WDPCP: variants seen among roughly 807,000 people sequenced by gnomAD.
WDPCP encodes the protein WD repeat containing planar cell polarity effector, also known as WD repeat-containing and planar cell polarity effector protein fritz homolog.
WDPCP carries 71 observed loss-of-function variants against 93.1 expected under a neutral mutation model. The observed-to-expected ratio is 0.76, with a 90% CI of 0.63 to 0.93. The LOEUF (loss-of-function observed/expected upper bound fraction) is 0.93. WDPCP is among the 40% of genes least tolerant of loss of function. WDPCP has a pLI of 0.00. For missense variants in WDPCP, 844 were observed against 887.4 expected, an observed-to-expected ratio of 0.95 and a Z score of 0.62; for synonymous variants, 315 against 315.0, an observed-to-expected ratio of 1.00 and a Z score of 0.00.
chr2:63,380,637 C>T (rs989142344), intron 11 of WDPCP, among the ~76,000 whole-genome samples: 3 of 152,016 alleles, frequency 2.0e-5, no homozygotes, highest in Admixed American at 6.6e-5. Context: ...GCAGGAGAAT[C>T]GCTTGAACCT....
chr2:63,142,294 C>T (rs939793911), intron 17 of WDPCP, among the ~76,000 whole-genome samples: 9 of 152,158 alleles, frequency 5.9e-5, no homozygotes, highest in African/African-American at 2.2e-4. Flanking sequence ...TTCATCTTAG[C>T]ACCGCCTTTG....
chr2:63,676,473 G>C (rs1024289628), intron 2 of WDPCP, among the ~76,000 whole-genome samples: 1 of 152,044 alleles, frequency 6.6e-6, no homozygotes, highest in Admixed American at 6.6e-5. Flanking sequence ...CTCAATCATG[G>C]ATAAACATGA....
At chr2:63,706,702 C>T (rs184460283) in intron 2 of WDPCP, among the ~76,000 whole-genome samples, 4,225 of 149,274 alleles carry the variant, frequency 0.028, 58 homozygotes, top group East Asian at 0.034. Flanking sequence ...CTGCAAGCTC[C>T]GCTTCCCGGG....
intron 2 of WDPCP, among the ~76,000 whole-genome samples, chr2:63,687,468 T>C (rs1668824498): frequency 6.6e-6 from 1 of 151,766 alleles, no homozygotes; most frequent in South Asian, 2.1e-4. Context: ...ATGTAAGGAG[T>C]TCAAACAACT....
chr2:63,632,020 G>T (rs896240418), intron 3 of WDPCP, among the ~76,000 whole-genome samples: 2 of 152,180 alleles, frequency 1.3e-5, no homozygotes, highest in African/African-American at 4.8e-5. Context: ...CCCCACAAAA[G>T]GATAGGCTGT....
At chr2:63,724,518 CAA>C (rs1669469703) in intron 2 of WDPCP, among the ~76,000 whole-genome samples, 1 of 152,072 alleles carries the variant, frequency 6.6e-6, no homozygotes, top group African/African-American at 2.4e-5. Context: ...GATTTAGCTT[CAA>C]AATATCACTA....
intron 14 of WDPCP, among the ~76,000 whole-genome samples, chr2:63,177,450 C>T (rs1673897983): frequency 6.6e-6 from 1 of 152,104 alleles, no homozygotes; most frequent in South Asian, 2.1e-4. Flanking sequence ...TCTTTTACCT[C>T]CTTGGTTAGG....
At chr2:63,605,442 CTGA>C in intron 3 of WDPCP, 5 of 1,289,436 alleles carry the variant, frequency 3.9e-6, no homozygotes, top group Non-Finnish European at 3.4e-6. Flanking sequence ...TTTTTGTTGC[CTGA>C]TGATATAATA....
intron 10 of WDPCP, among the ~76,000 whole-genome samples, chr2:63,395,662 G>A (rs1693661669): frequency 6.6e-6 from 1 of 152,098 alleles, no homozygotes; most frequent in African/African-American, 2.4e-5. Context: ...TTGGGATGAC[G>A]GAAATGTTCT....
At chr2:63,703,224 T>C (rs1408620313) in intron 2 of WDPCP, among the ~76,000 whole-genome samples, 1 of 152,132 alleles carries the variant, frequency 6.6e-6, no homozygotes, top group Admixed American at 6.5e-5. Flanking sequence ...TATAATCCTT[T>C]GGTTATATAC....
chr2:63,653,762 T>G (rs1710134564), intron 2 of WDPCP, among the ~76,000 whole-genome samples: 1 of 151,954 alleles, frequency 6.6e-6, no homozygotes, highest in African/African-American at 2.4e-5. Flanking sequence ...AATACAAAAA[T>G]TAGCCAGGTG....
At chr2:63,428,522 T>C (rs1696487317) in intron 9 of WDPCP, among the ~76,000 whole-genome samples, 1 of 152,132 alleles carries the variant, frequency 6.6e-6, no homozygotes, top group East Asian at 1.9e-4. Context: ...AGGCTTTCAA[T>C]ACAATCCAAC....
chr2:63,338,272 A>T (rs908894306), intron 12 of WDPCP, among the ~76,000 whole-genome samples: 1 of 152,116 alleles, frequency 6.6e-6, no homozygotes, highest in Admixed American at 6.6e-5. Context: ...GGCCAGGCAC[A>T]GTGGCTCACG....
intron 17 of WDPCP, among the ~76,000 whole-genome samples, chr2:63,125,107 CAT>C (rs991016923): frequency 2.0e-5 from 3 of 152,172 alleles, no homozygotes; most frequent in African/African-American, 7.2e-5. Context: ...TATTTGGTAT[CAT>C]ATATAGGTTT....
At chr2:63,521,898 C>CA (rs1246233752) in intron 1 of WDPCP, among the ~76,000 whole-genome samples, 3 of 152,080 alleles carry the variant, frequency 2.0e-5, no homozygotes, top group Admixed American at 6.5e-5. Flanking sequence ...TACACAATTG[C>CA]ATGGAAATTA....
intron 1 of WDPCP, among the ~76,000 whole-genome samples, chr2:63,814,534 C>A (rs1178109750): frequency 6.6e-6 from 1 of 152,164 alleles, no homozygotes; most frequent in African/African-American, 2.4e-5. Flanking sequence ...GCACCTAACT[C>A]TTGTTGTTAG....
chr2:63,499,191 A>AG (rs1244118978), intron 1 of WDPCP, among the ~76,000 whole-genome samples: 3 of 152,196 alleles, frequency 2.0e-5, no homozygotes, highest in African/African-American at 7.2e-5. Context: ...ACAATGGGCT[A>AG]GGGGGGTTCA....
intron 1 of WDPCP, among the ~76,000 whole-genome samples, chr2:63,540,569 AAT>A (rs1285381969): frequency 6.6e-6 from 1 of 152,210 alleles, no homozygotes. Context: ...TGTGCCAGAA[AAT>A]ATATGAGACT....
intron 3 of WDPCP, among the ~76,000 whole-genome samples, chr2:63,610,905 G>A (rs1709606573): frequency 6.6e-6 from 1 of 152,088 alleles, no homozygotes; most frequent in South Asian, 2.1e-4. Context: ...GACCAACCTG[G>A]GCAACATGGC....
Sources: allele counts gnomAD v4.1 joint callset (sites outside exome capture counted in the v4.1 genomes callset), GRCh38; gene constraint gnomAD v4.1.1; transcripts MANE v1.5; gene names NCBI Gene and HGNC (gene_info 2026-07-23, HGNC 2026-07-21).